DDHD1: variants seen among roughly 807,000 people sequenced by gnomAD.
The protein encoded by DDHD1 is DDHD domain containing 1, also known as phospholipase DDHD1.
A neutral mutation model predicts 96.4 loss-of-function variants in DDHD1; 49 were observed. The observed-to-expected ratio is 0.51, with a 90% CI of 0.40 to 0.64. The LOEUF is 0.64. DDHD1 is among the 30% of genes least tolerant of loss of function. The pLI is 0.00. For missense variants in DDHD1, 1,106 were observed against 1,161.2 expected (o/e 0.95, Z 0.69); for synonymous variants, 442 against 446.5 (o/e 0.99, Z 0.13).
chr14:53,122,628 AGTGCAGTG>A (rs1889086589), intron 1 of DDHD1, among the ~76,000 whole-genome samples: 1 of 146,006 alleles, frequency 6.8e-6, no homozygotes. Flanking sequence ...CCCAGGCTGG[AGTGCAGTG>A]GTGCGATCTT....
intron 1 of DDHD1, among the ~76,000 whole-genome samples, chr14:53,146,492 T>C (rs987120543): frequency 1.6e-5 from 1 of 61,368 alleles, no homozygotes; most frequent in Non-Finnish European, 3.3e-5. Context: ...CAACAGAGCA[T>C]CTCAAAAAAA....
At chr14:53,085,414 C>T (rs945049731) in intron 4 of DDHD1, among the ~76,000 whole-genome samples, 1 of 152,140 alleles carries the variant, frequency 6.6e-6, no homozygotes, top group Non-Finnish European at 1.5e-5. Context: ...CCCTCTGAGA[C>T]GAAGCTTCCA....
intron 1 of DDHD1, among the ~76,000 whole-genome samples, chr14:53,147,886 T>A (rs1891105519): frequency 6.6e-6 from 1 of 152,306 alleles, no homozygotes; most frequent in Non-Finnish European, 1.5e-5. Context: ...CCCCTGGGAC[T>A]CCATTATTTT....
intron 2 of DDHD1, among the ~76,000 whole-genome samples, chr14:53,102,735 A>G (rs1887401484): frequency 6.6e-6 from 1 of 152,094 alleles, no homozygotes; most frequent in Non-Finnish European, 1.5e-5. Flanking sequence ...ATCCCCTGCC[A>G]ACTTAAAGCT....
intron 4 of DDHD1, among the ~76,000 whole-genome samples, chr14:53,081,474 G>A (rs1180863500): frequency 6.6e-6 from 1 of 152,186 alleles, no homozygotes; most frequent in Admixed American, 6.5e-5. Flanking sequence ...ATTTAGATTA[G>A]TGGTTCTCAA....
intron 6 of DDHD1, among the ~76,000 whole-genome samples, chr14:53,065,934 T>C (rs1017339709): frequency 1.3e-5 from 2 of 152,222 alleles, no homozygotes; most frequent in Non-Finnish European, 2.9e-5. Context: ...AAAAATATGG[T>C]GGCCCTTGTA....
In DDHD1 at chr14:53,042,073, T is replaced by C. The variant is rs931510804; in HGVS notation, c.*4695A>G. 2 of 152,150 alleles carry C rather than the reference T, an allele frequency of 1.3e-5. No homozygotes were observed. The highest frequency in any genetic ancestry group is 2.9e-5 in the Non-Finnish European group (2 of 68,032). 9.4% of individuals were successfully genotyped at this position (152,150 alleles called of 1,614,324 possible). On this transcript the variant is annotated 3_prime_UTR_variant, in exon 13 of 13. Coordinates refer to ENST00000673822, the MANE Select transcript of DDHD1 (RefSeq NM_001160148.2). ...AGGGTGGAATCGGTCACTTACAAAA[T>C]GAAGGAATCACATGAGGAGGTGAAA...
intron 4 of DDHD1, among the ~76,000 whole-genome samples, chr14:53,080,298 C>G (rs61985089): frequency 0.16 from 23,986 of 151,970 alleles, 2,257 homozygotes; most frequent in East Asian, 0.33. Flanking sequence ...GAGGTGGAGG[C>G]TGCAGTGAAC....
intron 2 of DDHD1, 91 bp from the exon 3 acceptor site, chr14:53,093,535 T>C (rs1273685565): frequency 6.6e-7 from 1 of 1,511,094 alleles, no homozygotes; most frequent in African/African-American, 1.4e-5. Context: ...AAAATCAATA[T>C]GTTATCTAAA....
In DDHD1 at chr14:53,093,753, C is replaced by G. The variant is rs565939004; in HGVS notation, c.1013-309G>C. On this transcript the variant is annotated intron_variant, in intron 2 of 12. Transcript: ENST00000673822. Reference sequence around the variant, plus strand: ...GTGTTTTGATAATTAACTGCTTTCCCGGGTGATGTGGCTGACTCTTCACTG... The same window carrying G: ...GTGTTTTGATAATTAACTGCTTTCCGGGGTGATGTGGCTGACTCTTCACTG... The G allele has an allele frequency of 1.5e-4, 42 of 280,532 alleles. 1 individual carries two copies. In the South Asian group the frequency reaches 1.6e-3, roughly 11 times the overall value. 17.4% of individuals were successfully genotyped at this position (280,532 alleles called of 1,614,324 possible). A position where few individuals can be genotyped will look rare whatever the true frequency, so the allele number is the denominator to read the frequency against.
intron 6 of DDHD1, among the ~76,000 whole-genome samples, chr14:53,066,677 T>C (rs574998556): frequency 7.9e-5 from 12 of 152,110 alleles, no homozygotes; most frequent in Non-Finnish European, 1.8e-4. Context: ...TTTTTAAAAA[T>C]AGGAATAGGC....
intron 4 of DDHD1, among the ~76,000 whole-genome samples, chr14:53,086,972 C>CAAAAAAAAAA (rs60569444): frequency 5.9e-4 from 31 of 52,216 alleles, no homozygotes; most frequent in African/African-American, 8.6e-4. Context: ...AAATGAAAAG[C>CAAAAAAAAAA]AAAAAAAAAA....
intron 1 of DDHD1, among the ~76,000 whole-genome samples, chr14:53,130,384 T>C (rs1381538620): frequency 2.0e-5 from 3 of 152,216 alleles, no homozygotes; most frequent in African/African-American, 4.8e-5. Flanking sequence ...GCCCAGTTCA[T>C]GGCCCATTTG....
At position 53,144,745 on chromosome 14, in the gene DDHD1, T is replaced by C. The variant is rs117730884; in HGVS notation, c.838+7516A>G. On this transcript the variant is annotated intron_variant, in intron 1 of 12. Transcript: ENST00000673822. ...ATAAAATATGAACTAAAAGTTGCTA[T>C]TAAGTAGTTGCAGTAAGTTGTAAAA... Among the ~76,000 whole-genome samples the C allele has an allele frequency of 7.5e-3, 1,135 of 152,306 alleles. 8 individuals carry two copies. The highest frequency in any genetic ancestry group is 0.02 in the Middle Eastern group (6 of 294).
chr14:53,065,063 G>C (rs1271850968), intron 6 of DDHD1, among the ~76,000 whole-genome samples: 1 of 152,034 alleles, frequency 6.6e-6, no homozygotes, highest in Non-Finnish European at 1.5e-5. Flanking sequence ...TTATCTATTA[G>C]GTCTACAATA....
intron 2 of DDHD1, among the ~76,000 whole-genome samples, chr14:53,100,800 T>C (rs916806159): frequency 3.9e-5 from 6 of 152,198 alleles, no homozygotes; most frequent in Admixed American, 3.9e-4. Context: ...TTTAAATTAT[T>C]AAATGAGGTT....
chr14:53,081,876 AG>A (rs2139954269), intron 4 of DDHD1, among the ~76,000 whole-genome samples: 1 of 152,274 alleles, frequency 6.6e-6, no homozygotes, highest in South Asian at 2.1e-4. Flanking sequence ...AAAGGATGGA[AG>A]AAAAATGAAA....
At position 53,038,836 on chromosome 14, in the gene DDHD1, G is replaced by A. The variant is rs890096686; in HGVS notation, c.*7932C>T. On this transcript the variant is annotated 3_prime_UTR_variant, in exon 13 of 13. Transcript: ENST00000673822. ...ACAGCACGGCACTGGTACAATAACA[G>A]ACACGTAGACCAATGGAACACAATA... is the stretch of plus-strand genomic sequence containing the variant. The A allele has an allele frequency of 1.3e-5, 2 of 152,178 alleles. No homozygotes were observed. The highest frequency in any genetic ancestry group is 4.8e-5 in the African/African-American group (2 of 41,442). The allele number at this position is 152,178 out of a possible 1,614,324, so 9.4% of individuals were successfully genotyped here. A position where few individuals can be genotyped will look rare whatever the true frequency, so the allele number is the denominator to read the frequency against.
chr14:53,100,920 C>T (rs1477866701), intron 2 of DDHD1, among the ~76,000 whole-genome samples: 4 of 152,094 alleles, frequency 2.6e-5, no homozygotes, highest in Non-Finnish European at 5.9e-5. Flanking sequence ...ACTATGTCTT[C>T]TTGTACTTAC....
Sources: gnomAD v4.1 joint callset for allele counts (sites outside exome capture counted in the v4.1 genomes callset) on GRCh38, gnomAD v4.1.1 for gene constraint, MANE v1.5 for transcripts, NCBI Gene and HGNC (gene_info 2026-07-23, HGNC 2026-07-21) for gene names.